HELZ: variants seen among roughly 807,000 people sequenced by gnomAD.
HELZ encodes the protein helicase with zinc finger, also known as ATP-dependent RNA helicase with zinc finger domain.
Under a neutral mutation model 218.2 loss-of-function variants are expected in HELZ, and 23 were observed. The ratio of observed to expected loss-of-function variants is 0.11; its 90% CI spans 0.08 to 0.15. HELZ has a LOEUF of 0.15. HELZ is among the 10% of genes least tolerant of loss of function. The pLI is 1.00. For synonymous variants in HELZ, 814 were observed against 829.4 expected, an observed-to-expected ratio of 0.98 and a Z score of 0.32; for missense variants, 1,813 against 2,353.7, an observed-to-expected ratio of 0.77 and a Z score of 4.75.
intron 5 of HELZ, among the ~76,000 whole-genome samples, chr17:67,206,517 G>A (rs916139565): frequency 6.6e-6 from 1 of 151,742 alleles, no homozygotes; most frequent in Non-Finnish European, 1.5e-5. Flanking sequence ...CCTAATATAA[G>A]GAAAGTAATC....
chr17:67,148,490 TAGC>T, intron 20 of HELZ, 76 bp downstream of exon 20: 1 of 1,212,948 alleles, frequency 8.2e-7, no homozygotes, highest in East Asian at 2.4e-5. Context: ...CATCTGTCCC[TAGC>T]AGCAGTGCTG....
intron 6 of HELZ, among the ~76,000 whole-genome samples, chr17:67,201,719 AAAC>A (rs1296628801): frequency 6.6e-6 from 1 of 152,226 alleles, no homozygotes; most frequent in Non-Finnish European, 1.5e-5. Context: ...TTAAATTTAA[AAAC>A]AACAGGTAAA....
At chr17:67,137,856 G>C in intron 22 of HELZ, 75 bp downstream of exon 22, 4 of 1,073,814 alleles carry the variant, frequency 3.7e-6, no homozygotes. Flanking sequence ...GAGATCTTGA[G>C]TACTAAAAAT....
At chr17:67,147,008 A>G (rs1452755367) in intron 20 of HELZ, among the ~76,000 whole-genome samples, 1 of 152,192 alleles carries the variant, frequency 6.6e-6, no homozygotes, top group Non-Finnish European at 1.5e-5. Flanking sequence ...GCTAACAGAA[A>G]TACTTTAAAA....
chr17:67,177,142 G>T (rs2039482918), intron 13 of HELZ, among the ~76,000 whole-genome samples: 1 of 151,900 alleles, frequency 6.6e-6, no homozygotes, highest in Non-Finnish European at 1.5e-5. Context: ...TTGTAGAGAT[G>T]AGGTCTCACT....
In HELZ at chr17:67,076,239, G is replaced by A. The variant is rs2036015838; in HGVS notation, c.*2013C>T. 1 of 152,206 alleles carries A rather than the reference G, an allele frequency of 6.6e-6. No homozygotes were observed. Among genetic ancestry groups the A allele is most frequent in the African/African-American group, 2.4e-5 (1 of 41,426 alleles). The allele number at this position is 152,206 out of a possible 1,614,324, so 9.4% of individuals were successfully genotyped here. A position where few individuals can be genotyped will look rare whatever the true frequency, so the allele number is the denominator to read the frequency against. On this transcript the variant is annotated 3_prime_UTR_variant, in exon 33 of 33. Transcript: ENST00000358691. ...TTCCATAACATCCTCACATCAGAGA[G>A]ATCTAATTTTCATTCGGATATGTCT...
At chr17:67,213,530 G>A (rs1400961872) in intron 5 of HELZ, among the ~76,000 whole-genome samples, 1 of 152,108 alleles carries the variant, frequency 6.6e-6, no homozygotes, top group Admixed American at 6.6e-5. Context: ...GCTGAGGCAG[G>A]AGAATCACTT....
chr17:67,231,565 C>G (rs553841916), intron 3 of HELZ, among the ~76,000 whole-genome samples: 1 of 149,770 alleles, frequency 6.7e-6, no homozygotes, highest in African/African-American at 2.5e-5. Context: ...TGAACTCCAC[C>G]CTGGGTGACA....
rs920119088 is a variant in HELZ at position 67,107,691 on chromosome 17, T to C, written c.4725-6A>G. On this transcript the variant is annotated splice_polypyrimidine_tract_variant and splice_region_variant and intron_variant, in intron 30 of 32. Coordinates refer to ENST00000358691, the MANE Select transcript of HELZ (RefSeq NM_014877.4). ...CTCTGATTAAGTCTTGAAACCTACA[T>C]GAAAACAATAAAATATGAGGAGAAA... The C allele has an allele frequency of 6.2e-7, 1 of 1,602,744 alleles. No homozygotes were observed. Among genetic ancestry groups the C allele is most frequent in the Non-Finnish European group, 8.5e-7 (1 of 1,175,252 alleles).
chr17:67,080,277 A>C (rs1179228406), intron 32 of HELZ, among the ~76,000 whole-genome samples: 3 of 152,124 alleles, frequency 2.0e-5, no homozygotes, highest in Non-Finnish European at 4.4e-5. Context: ...TGTGCATTGA[A>C]ATCTGTATCT....
At chr17:67,204,030 T>G (rs757616263) in intron 5 of HELZ, among the ~76,000 whole-genome samples, 2 of 152,244 alleles carry the variant, frequency 1.3e-5, no homozygotes, top group Non-Finnish European at 2.9e-5. Context: ...CTCATTTTTA[T>G]GCCATGTCAT....
At chr17:67,120,673 G>T in intron 26 of HELZ, 61 bp from the exon 27 acceptor site, 1 of 1,151,114 alleles carries the variant, frequency 8.7e-7, no homozygotes, top group Non-Finnish European at 1.3e-6. Context: ...AACTGCTAGA[G>T]TGCTGCTGAT....
At chr17:67,136,838 T>C (rs905137371) in intron 22 of HELZ, among the ~76,000 whole-genome samples, 3 of 152,100 alleles carry the variant, frequency 2.0e-5, no homozygotes, top group Non-Finnish European at 4.4e-5. Flanking sequence ...TTTGGAAAGA[T>C]CAAAAAAGTT....
intron 21 of HELZ, among the ~76,000 whole-genome samples, chr17:67,143,822 C>T (rs2038410671): frequency 6.6e-6 from 1 of 152,096 alleles, no homozygotes; most frequent in African/African-American, 2.4e-5. Flanking sequence ...GCACAAGATA[C>T]ATAAAATAAA....
chr17:67,161,563 A>G (rs780716954), intron 15 of HELZ, among the ~76,000 whole-genome samples: 1 of 152,260 alleles, frequency 6.6e-6, no homozygotes, highest in Non-Finnish European at 1.5e-5. Flanking sequence ...CAAGAGGAAA[A>G]GAACAAATCT....
At chr17:67,094,004 C>T (rs2036654600) in intron 31 of HELZ, among the ~76,000 whole-genome samples, 1 of 152,068 alleles carries the variant, frequency 6.6e-6, no homozygotes, top group Non-Finnish European at 1.5e-5. Flanking sequence ...TGTAATTTAC[C>T]CATATAACAA....
chr17:67,214,633 T>C (rs532825996), intron 5 of HELZ, among the ~76,000 whole-genome samples: 101 of 152,038 alleles, frequency 6.6e-4, no homozygotes, highest in African/African-American at 2.4e-3. Flanking sequence ...TCATGTTAAA[T>C]ACCTCAGCAC....
chr17:67,105,208 C>A (rs997187452), intron 31 of HELZ, among the ~76,000 whole-genome samples: 1 of 151,990 alleles, frequency 6.6e-6, no homozygotes, highest in Non-Finnish European at 1.5e-5. Context: ...TTTTACAAAG[C>A]GAGTATATAG....
chr17:67,080,153 A>G (rs796366672), intron 32 of HELZ, among the ~76,000 whole-genome samples: 3 of 152,346 alleles, frequency 2.0e-5, no homozygotes, highest in African/African-American at 7.2e-5. Context: ...ATTATGTGGC[A>G]TAAGGTAAAG....
Sources: gnomAD v4.1 joint callset for allele counts (sites outside exome capture counted in the v4.1 genomes callset) on GRCh38, gnomAD v4.1.1 for gene constraint, MANE v1.5 for transcripts, NCBI Gene and HGNC (gene_info 2026-07-23, HGNC 2026-07-21) for gene names.